The following ERI3 variants were observed in gnomAD, a reference collection of about 807,000 sequenced individuals.
ERI3 encodes ERI1 exoribonuclease 3.
In ERI3, 18 loss-of-function variants were observed where a neutral mutation model predicts 44.4. That is an observed-to-expected ratio of 0.41 (90% CI 0.28 to 0.60). The LOEUF (loss-of-function observed/expected upper bound fraction) is 0.60. ERI3 is among the 20% of genes least tolerant of loss of function. The pLI, the probability that ERI3 is intolerant of heterozygous loss-of-function variation, is 0.36. For missense variants in ERI3, 294 were observed against 435.5 expected (o/e 0.68, Z 2.89); for synonymous variants, 183 against 164.8 (o/e 1.11, Z -0.84).
At chr1:44,269,503 C>T (rs1645050182) in intron 7 of ERI3, among the ~76,000 whole-genome samples, 1 of 152,222 alleles carries the variant, frequency 6.6e-6, no homozygotes, top group African/African-American at 2.4e-5. Context: ...CACAGACATA[C>T]TCAAGCCTGC....
chr1:44,257,879 A>G (rs770455462), intron 7 of ERI3, among the ~76,000 whole-genome samples: 22 of 152,182 alleles, frequency 1.4e-4, no homozygotes, highest in Non-Finnish European at 2.8e-4. Flanking sequence ...TTCATATCAT[A>G]TAACAAGTGA....
chr1:44,224,940 T>C (rs916960069), intron 8 of ERI3, among the ~76,000 whole-genome samples: 1 of 152,124 alleles, frequency 6.6e-6, no homozygotes, highest in Non-Finnish European at 1.5e-5. Context: ...CAAATATATA[T>C]ATATTTTGTT....
intron 2 of ERI3, among the ~76,000 whole-genome samples, chr1:44,341,734 T>A (rs1646658013): frequency 6.6e-6 from 1 of 151,648 alleles, no homozygotes; most frequent in African/African-American, 2.4e-5. Flanking sequence ...AAAAAATAAA[T>A]TAAAAATTAG....
At chr1:44,338,841 G>T (rs1646587849) in intron 3 of ERI3, among the ~76,000 whole-genome samples, 1 of 152,152 alleles carries the variant, frequency 6.6e-6, no homozygotes, top group African/African-American at 2.4e-5. Flanking sequence ...GAGAAACAAT[G>T]TACCCAGTTC....
chr1:44,338,822 G>A (rs1290715778), intron 3 of ERI3, among the ~76,000 whole-genome samples: 1 of 152,150 alleles, frequency 6.6e-6, no homozygotes, highest in Non-Finnish European at 1.5e-5. Context: ...CCCAAAAGCT[G>A]AGACTAGAGA....
intron 3 of ERI3, chr1:44,322,590 T>G: frequency 2.6e-6 from 3 of 1,158,444 alleles, no homozygotes; most frequent in Non-Finnish European, 3.5e-6. Context: ...CTCCACAACA[T>G]GAGGAGCTGT....
At chr1:44,349,434 T>G (rs1172153702) in intron 2 of ERI3, among the ~76,000 whole-genome samples, 1 of 152,170 alleles carries the variant, frequency 6.6e-6, no homozygotes, top group Non-Finnish European at 1.5e-5. Flanking sequence ...GTGTTGGGAT[T>G]ACAGGTGTGA....
At chr1:44,268,616 A>G (rs376444592) in intron 7 of ERI3, among the ~76,000 whole-genome samples, 108 of 152,042 alleles carry the variant, frequency 7.1e-4, no homozygotes, top group African/African-American at 2.5e-3. Flanking sequence ...AGCTCAAACC[A>G]CTCTTCCTCC....
At chr1:44,227,179 G>T (rs1300297676) in intron 8 of ERI3, among the ~76,000 whole-genome samples, 1 of 152,212 alleles carries the variant, frequency 6.6e-6, no homozygotes, top group African/African-American at 2.4e-5. Flanking sequence ...ACATCCTGAG[G>T]TCTGCTGGAG....
chr1:44,245,725 G>C (rs1236055549), intron 8 of ERI3, among the ~76,000 whole-genome samples: 3 of 152,200 alleles, frequency 2.0e-5, no homozygotes, highest in African/African-American at 7.2e-5. Flanking sequence ...GGGCATTGCT[G>C]AGTCTCAAGA....
At chr1:44,280,750 C>G (rs1463196263) in intron 7 of ERI3, among the ~76,000 whole-genome samples, 1 of 152,090 alleles carries the variant, frequency 6.6e-6, no homozygotes, top group Non-Finnish European at 1.5e-5. Context: ...CAGATGATGC[C>G]CCTCTTATAT....
At chr1:44,260,888 C>T (rs1219464916) in intron 7 of ERI3, among the ~76,000 whole-genome samples, 3 of 152,128 alleles carry the variant, frequency 2.0e-5, no homozygotes, top group Non-Finnish European at 4.4e-5. Context: ...TTCTCTTTCC[C>T]ACTCCTCCAT....
At chr1:44,273,176 G>A (rs976680292) in intron 7 of ERI3, among the ~76,000 whole-genome samples, 15 of 152,218 alleles carry the variant, frequency 9.9e-5, no homozygotes, top group African/African-American at 3.1e-4. Context: ...GTCAACAGCA[G>A]CAATAGGAGG....
intron 6 of ERI3, among the ~76,000 whole-genome samples, chr1:44,300,777 G>C (rs1384839535): frequency 6.6e-6 from 1 of 152,134 alleles, no homozygotes; most frequent in Non-Finnish European, 1.5e-5. Flanking sequence ...CTAGCCCCAG[G>C]GGCATCAGGC....
intron 3 of ERI3, among the ~76,000 whole-genome samples, chr1:44,324,372 A>G (rs1646263847): frequency 6.6e-6 from 1 of 150,588 alleles, no homozygotes; most frequent in Non-Finnish European, 1.5e-5. Context: ...CTCATCTCTG[A>G]GTGGTTTCCT....
At chr1:44,335,365 A>C (rs1305547864) in intron 3 of ERI3, among the ~76,000 whole-genome samples, 1 of 151,706 alleles carries the variant, frequency 6.6e-6, no homozygotes, top group African/African-American at 2.4e-5. Flanking sequence ...AAAAAAAAAA[A>C]AACAAACAAA....
chr1:44,354,969 G>GA lies in ERI3; in HGVS notation c.57_58insT (p.Leu20SerfsTer133), dbSNP rs1349392046. ...GGAGGGGCGGGGGGCCAGGAGACCA[G>GA]CCCTCCTTCCCAGGGCCGCCCCCGC... On this transcript the variant is annotated frameshift_variant, in exon 1 of 9. Coordinates refer to ENST00000372257, the MANE Select transcript of ERI3 (RefSeq NM_024066.3). LOFTEE classifies it high-confidence loss of function. 1.5e-6 allele frequency: 2 copies of GA among 1,359,018 alleles called. No homozygotes were observed. The highest frequency in any genetic ancestry group is 1.9e-6 in the Non-Finnish European group (2 of 1,049,212). 84.2% of individuals were successfully genotyped at this position (1,359,018 alleles called of 1,614,324 possible).
At chr1:44,285,778 G>A (rs183688070) in intron 6 of ERI3, among the ~76,000 whole-genome samples, 1 of 152,192 alleles carries the variant, frequency 6.6e-6, no homozygotes, top group East Asian at 1.9e-4. Flanking sequence ...AAAGCCTTAA[G>A]TTGGAGTATG....
At chr1:44,233,983 T>C (rs1644246435) in intron 8 of ERI3, among the ~76,000 whole-genome samples, 2 of 152,182 alleles carry the variant, frequency 1.3e-5, no homozygotes, top group African/African-American at 4.8e-5. Flanking sequence ...TGGTGAACAA[T>C]CCACTCCTTG....
Sources: allele counts gnomAD v4.1 joint callset (sites outside exome capture counted in the v4.1 genomes callset), GRCh38; gene constraint gnomAD v4.1.1; transcripts MANE v1.5; gene names NCBI Gene and HGNC (gene_info 2026-07-23, HGNC 2026-07-21).